MAGI1: variants seen among roughly 807,000 people sequenced by gnomAD.
MAGI1 encodes membrane-associated guanylate kinase, WW and PDZ domain-containing protein 1.
MAGI1 carries 58 observed loss-of-function variants against 139.9 expected under a neutral mutation model. The observed-to-expected ratio is 0.41, with a 90% confidence interval of 0.34 to 0.52. The LOEUF is 0.52. Ranked by LOEUF, MAGI1 falls within the 20% of genes least tolerant of loss-of-function variation. The pLI is 0.12. For synonymous variants in MAGI1, 812 were observed against 737.9 expected (o/e 1.10, Z -1.63); for missense variants, 1,874 against 1,901.6 (o/e 0.99, Z 0.27).
Position 65,657,651 on chromosome 3 carries a change from G to A in MAGI1, c.314-35563C>T, listed in dbSNP as rs555970310. On this transcript the variant is annotated intron_variant, in intron 1 of 22. Coordinates refer to ENST00000402939, the MANE Select transcript of MAGI1 (RefSeq NM_001033057.2). ...ACTGGGGAATGACAACATCACGAAA[G>A]TTTAAAAGAAATTTTTTTTGTTTGT... Among the ~76,000 whole-genome samples, 4 of 152,250 alleles carry A rather than the reference G, an allele frequency of 2.6e-5. No individual in the cohort carries two copies. The South Asian group carries it at 8.3e-4, about 32-fold the overall frequency.
At chr3:65,479,819 C>T (rs1951145562) in intron 3 of MAGI1, among the ~76,000 whole-genome samples, 1 of 151,884 alleles carries the variant, frequency 6.6e-6, no homozygotes, top group South Asian at 2.1e-4. Flanking sequence ...AATACATGTT[C>T]TCATATGAAC....
At chr3:65,866,794 A>C (rs554238077) in intron 1 of MAGI1, among the ~76,000 whole-genome samples, 66 of 152,070 alleles carry the variant, frequency 4.3e-4, no homozygotes, top group African/African-American at 1.5e-3. Flanking sequence ...GCTAGGAAAA[A>C]AGAACAAACA....
chr3:65,456,708 G>A (rs1462081784), intron 5 of MAGI1, among the ~76,000 whole-genome samples: 3 of 152,246 alleles, frequency 2.0e-5, no homozygotes, highest in Non-Finnish European at 4.4e-5. Context: ...GAAGTGTGGG[G>A]TTTAGGTGGA....
At chr3:66,010,641 T>A (rs1055872591) in intron 1 of MAGI1, among the ~76,000 whole-genome samples, 2 of 152,342 alleles carry the variant, frequency 1.3e-5, no homozygotes, top group African/African-American at 4.8e-5. Context: ...ATGTCATTAG[T>A]AGGACAGCTC....
At chr3:65,373,660 T>C (rs1409023751) in intron 18 of MAGI1, among the ~76,000 whole-genome samples, 2 of 152,190 alleles carry the variant, frequency 1.3e-5, no homozygotes, top group African/African-American at 2.4e-5. Context: ...CTTCTCACTA[T>C]ATTTTCTGGC....
chr3:65,855,614 GGGAGGA>G (rs2059350024), intron 1 of MAGI1, among the ~76,000 whole-genome samples: 1 of 124,860 alleles, frequency 8.0e-6, no homozygotes, highest in African/African-American at 3.3e-5. Context: ...ACGGGAGATG[GGGAGGA>G]GAGAGGGGAG....
At chr3:65,709,755 C>T (rs1250234767) in intron 1 of MAGI1, among the ~76,000 whole-genome samples, 1 of 152,206 alleles carries the variant, frequency 6.6e-6, no homozygotes, top group Non-Finnish European at 1.5e-5. Context: ...TTTCACGTTG[C>T]ATTTGACAGA....
At chr3:65,393,669 A>G (rs1944120547) in intron 13 of MAGI1, among the ~76,000 whole-genome samples, 1 of 152,182 alleles carries the variant, frequency 6.6e-6, no homozygotes, top group South Asian at 2.1e-4. Context: ...CCTTCAAAGG[A>G]CCACTCTCTT....
At chr3:65,812,462 T>TCACACACACA (rs1442446498) in intron 1 of MAGI1, among the ~76,000 whole-genome samples, 3 of 93,818 alleles carry the variant, frequency 3.2e-5, no homozygotes, top group African/African-American at 1.2e-4. Flanking sequence ...TCTCTCTCTC[T>TCACACACACA]CTCTCTCACA....
chr3:65,493,609 T>A lies in MAGI1; in HGVS notation c.453A>T (p.Glu151Asp), dbSNP rs1482668005. Residue 151 changes from glutamate to aspartate, a missense_variant, in exon 3 of 23, where the codon GAA becomes GAT. By Grantham distance (45) the Glu-to-Asp change is conservative. Coordinates refer to ENST00000402939, the MANE Select transcript of MAGI1 (RefSeq NM_001033057.2). ...AVPCTTRSPREGEVPGVDYNF... is the reference protein window; with the variant it reads ...AVPCTTRSPRDGEVPGVDYNF... ...TATAGTCCACGCCAGGCACTTCTCC[T>A]TCTCTGGGAGATCGGGTTGTGCCTG... 6.2e-7 allele frequency: 1 copy of A among 1,614,186 alleles called. No homozygotes were observed. The highest frequency in any genetic ancestry group is 1.7e-5 in the Admixed American group (1 of 60,026).
chr3:66,000,240 T>C (rs1048776893), intron 1 of MAGI1, among the ~76,000 whole-genome samples: 2 of 152,046 alleles, frequency 1.3e-5, no homozygotes, highest in Non-Finnish European at 2.9e-5. Flanking sequence ...CCTCCCAAAG[T>C]GCCCAGATTA....
intron 1 of MAGI1, among the ~76,000 whole-genome samples, chr3:65,795,843 G>C (rs2040098918): frequency 6.6e-6 from 1 of 151,868 alleles, no homozygotes; most frequent in East Asian, 1.9e-4. Flanking sequence ...CTGAGGTCAG[G>C]AGTTCAAGAC....
At chr3:65,739,523 C>A (rs1421541363) in intron 1 of MAGI1, among the ~76,000 whole-genome samples, 2 of 152,200 alleles carry the variant, frequency 1.3e-5, no homozygotes, top group Non-Finnish European at 2.9e-5. Flanking sequence ...GTTCAAGAGG[C>A]CTAGCTTTCA....
chr3:65,828,869 C>T lies in MAGI1; in HGVS notation c.314-206781G>A, dbSNP rs752682994. 1.1e-4 allele frequency among the ~76,000 whole-genome samples: 17 copies of T among 152,196 alleles called. 1 individual carries two copies. The highest frequency in any genetic ancestry group is 2.5e-4 in the Non-Finnish European group (17 of 68,046). Reference sequence around the variant, plus strand: ...GATTCCAAAAGGAAAAGGAGCTCAACCCTGCTGTGGCTGGCTCTAAAAGCA... The same window carrying T: ...GATTCCAAAAGGAAAAGGAGCTCAATCCTGCTGTGGCTGGCTCTAAAAGCA... On this transcript the variant is annotated intron_variant, in intron 1 of 22. Coordinates refer to ENST00000402939, the MANE Select transcript of MAGI1 (RefSeq NM_001033057.2).
At chr3:65,574,414 G>A (rs1271812253) in intron 2 of MAGI1, among the ~76,000 whole-genome samples, 1 of 143,870 alleles carries the variant, frequency 7.0e-6, no homozygotes, top group East Asian at 2.0e-4. Context: ...CAGTAAATCT[G>A]ACTGGAGATG....
chr3:65,578,941 GAGAGAC>G (rs2108110883), intron 2 of MAGI1, among the ~76,000 whole-genome samples: 1 of 151,102 alleles, frequency 6.6e-6, no homozygotes, highest in African/African-American at 2.4e-5. Flanking sequence ...GAGAGAGAGA[GAGAGAC>G]AGAGAGAGAG....
chr3:65,917,023 T>C (rs919513234), intron 1 of MAGI1, among the ~76,000 whole-genome samples: 4 of 152,242 alleles, frequency 2.6e-5, no homozygotes, highest in Admixed American at 2.6e-4. Flanking sequence ...ATTTTAAATT[T>C]ATAATGTCAA....
intron 1 of MAGI1, among the ~76,000 whole-genome samples, chr3:65,940,963 C>A (rs9841385): frequency 0.8 from 121,723 of 152,132 alleles, 48,768 homozygotes; most frequent in Middle Eastern, 0.85. Flanking sequence ...TCTTCCCTCC[C>A]CTGCTTCCAC....
intron 1 of MAGI1, among the ~76,000 whole-genome samples, chr3:65,898,291 C>T (rs917980560): frequency 6.6e-6 from 1 of 152,198 alleles, no homozygotes; most frequent in Non-Finnish European, 1.5e-5. Context: ...GTCCACTGAA[C>T]ACTTTAAATA....
Sources: gnomAD v4.1 joint callset for allele counts (sites outside exome capture counted in the v4.1 genomes callset) on GRCh38, gnomAD v4.1.1 for gene constraint, MANE v1.5 for transcripts, NCBI Gene and HGNC (gene_info 2026-07-23, HGNC 2026-07-21) for gene names.